The following GPHB5 variants were observed in gnomAD, a reference collection of about 807,000 sequenced individuals.
The protein encoded by GPHB5 is glycoprotein hormone subunit beta 5.
Under a neutral mutation model 10.1 loss-of-function variants are expected in GPHB5, and 7 were observed. The observed-to-expected ratio is 0.69, with a 90% CI of 0.39 to 1.30. The LOEUF (loss-of-function observed/expected upper bound fraction) is 1.30, where lower values mean the gene tolerates loss of function less well. GPHB5 is among the 50% of genes most tolerant of loss of function. The probability of loss-of-function intolerance (pLI) is 0.01; values close to 1 mark genes in which losing one functional copy is unlikely to be tolerated. For synonymous variants in GPHB5, 68 were observed against 70.1 expected, an observed-to-expected ratio of 0.97 and a Z score of 0.15; for missense variants, 161 against 169.8, an observed-to-expected ratio of 0.95 and a Z score of 0.29.
At chr14:63,316,006 C>T (rs1239303135) in intron 2 of GPHB5, among the ~76,000 whole-genome samples, 1 of 152,148 alleles carries the variant, frequency 6.6e-6, no homozygotes, top group Non-Finnish European at 1.5e-5. Context: ...TTCAAATAGC[C>T]CAGACACTAG....
chr14:63,317,450 G>C (rs980151633), intron 2 of GPHB5, among the ~76,000 whole-genome samples, 196 bp downstream of exon 2: 1 of 152,164 alleles, frequency 6.6e-6, no homozygotes. Flanking sequence ...TCAATGCTTT[G>C]TTAGAGGGGC....
chr14:63,313,924 G>A (rs954932865), intron 2 of GPHB5, among the ~76,000 whole-genome samples: 3 of 152,008 alleles, frequency 2.0e-5, no homozygotes, highest in Non-Finnish European at 2.9e-5. Context: ...CCTTTCATTC[G>A]TGTGATATTC....
rs764536392 is a variant in GPHB5 at position 63,313,110 on chromosome 14, T to C, written c.211A>G (p.Ile71Val). The change falls in exon 3 of 3, where the codon ATT becomes GTT. Residue 71 changes from isoleucine to valine, a missense_variant. Coordinates refer to ENST00000621500, the MANE Select transcript of GPHB5 (RefSeq NM_145171.4). ...GCTTCAATATAGGGGGGTTCCAGAA[T>C]GGGTTTCTGTCCCCATAGATAGAAA... is the stretch of plus-strand genomic sequence containing the variant. Reference protein sequence around the residue: ...WGRCETWEKPILEPPYIEAHH... With the variant: ...WGRCETWEKPVLEPPYIEAHH... 2.5e-6 allele frequency: 4 copies of C among 1,588,588 alleles called. No individual in the cohort carries two copies. The highest frequency in any genetic ancestry group is 1.1e-5 in the South Asian group (1 of 87,316).
At position 63,312,969 on chromosome 14, in the gene GPHB5, C is replaced by A. The variant is rs745784962; in HGVS notation, c.352G>T (p.Gly118Ter). The stretch of plus-strand genomic sequence containing the variant: ...TCCGTGGTGGCAGTGGAGCAGGCTC[C>A]GCAGTCACAGCGGATGGCCACGGGA... ...TYPVAIRCDC[G>*]ACSTATTECE... The change falls in exon 3 of 3, where the codon GGA becomes TGA. Residue 118 changes from glycine to a stop codon, truncating the protein, a stop_gained. Coordinates refer to ENST00000621500, the MANE Select transcript of GPHB5 (RefSeq NM_145171.4). LOFTEE classifies it high-confidence loss of function. 5.8e-6 allele frequency: 9 copies of A among 1,556,772 alleles called. No individual in the cohort carries two copies. The East Asian group carries it at 1.9e-4, about 33-fold the overall frequency.
At chr14:63,315,938 G>T (rs948467455) in intron 2 of GPHB5, among the ~76,000 whole-genome samples, 6 of 152,196 alleles carry the variant, frequency 3.9e-5, no homozygotes, top group African/African-American at 1.4e-4. Context: ...TTAAAAAGAA[G>T]AGAAGATGGG....
At position 63,312,894 on chromosome 14, in the gene GPHB5, A is replaced by G. The variant is rs1011710651; in HGVS notation, c.*34T>C. On this transcript the variant is annotated 3_prime_UTR_variant, in exon 3 of 3. Coordinates refer to ENST00000621500, the MANE Select transcript of GPHB5 (RefSeq NM_145171.4). ...GGAAGTATAACTGCATGTGCTGCTC[A>G]CACAGGTGGGTCTGCAGAGAGCAGC... 5 of 1,533,628 alleles carry G rather than the reference A, an allele frequency of 3.3e-6. No homozygotes were observed. In the African/African-American group the frequency reaches 6.9e-5, roughly 21 times the overall value.
At chr14:63,313,762 G>A (rs1466549420) in intron 2 of GPHB5, among the ~76,000 whole-genome samples, 1 of 152,074 alleles carries the variant, frequency 6.6e-6, no homozygotes, top group African/African-American at 2.4e-5. Context: ...CCAACCTTGG[G>A]TTTTTGTTAG....
chr14:63,317,543 T>C, intron 2 of GPHB5, 103 bp downstream of exon 2: 1 of 1,078,724 alleles, frequency 9.3e-7, no homozygotes, highest in Non-Finnish European at 1.3e-6. Flanking sequence ...AAAGGGCAGA[T>C]GTCCCAGCTC....
chr14:63,313,733 C>T (rs114228525), intron 2 of GPHB5, among the ~76,000 whole-genome samples: 2 of 152,258 alleles, frequency 1.3e-5, no homozygotes, highest in African/African-American at 2.4e-5. Flanking sequence ...ATTCTTCTCC[C>T]GTATGATTCA....
chr14:63,313,344 A>G (rs970937124), intron 2 of GPHB5, among the ~76,000 whole-genome samples: 1 of 152,206 alleles, frequency 6.6e-6, no homozygotes, highest in African/African-American at 2.4e-5. Context: ...TGCTCCATGC[A>G]TAGTCAGCAA....
intron 2 of GPHB5, among the ~76,000 whole-genome samples, chr14:63,317,017 A>T (rs1458188054): frequency 1.3e-5 from 2 of 152,206 alleles, no homozygotes; most frequent in Non-Finnish European, 2.9e-5. Flanking sequence ...TGAGAGTGTT[A>T]TCTCCACTTT....
At chr14:63,317,996 A>C in intron 1 of GPHB5, 146 bp from the exon 2 acceptor site, 1 of 679,326 alleles carries the variant, frequency 1.5e-6, no homozygotes, top group Non-Finnish European at 2.5e-6. Context: ...ATGCCCACAA[A>C]CTCCAACACA....
At chr14:63,314,619 A>G (rs990866220) in intron 2 of GPHB5, among the ~76,000 whole-genome samples, 12 of 152,058 alleles carry the variant, frequency 7.9e-5, no homozygotes, top group African/African-American at 2.9e-4. Flanking sequence ...TCACCATGTT[A>G]GCCAGGATGG....
chr14:63,317,079 A>G (rs1882783085), intron 2 of GPHB5, among the ~76,000 whole-genome samples: 1 of 152,212 alleles, frequency 6.6e-6, no homozygotes, highest in African/African-American at 2.4e-5. Flanking sequence ...AAGGAACTTA[A>G]TGGATCCGTC....
chr14:63,313,218 T>C (rs2139682548), intron 2 of GPHB5, 102 bp from the exon 3 acceptor site: 1 of 1,084,826 alleles, frequency 9.2e-7, no homozygotes, highest in South Asian at 1.7e-5. Context: ...TGTTATTCGT[T>C]GATTTACTTG....
At position 63,313,059 on chromosome 14, in the gene GPHB5, C is replaced by T. The variant is rs140208070; in HGVS notation, c.262G>A (p.Glu88Lys). The T allele has an allele frequency of 8.9e-3, 14,322 of 1,606,936 alleles. 87 individuals are homozygous for T. The highest frequency in any genetic ancestry group is 0.011 in the Non-Finnish European group (12,433 of 1,176,738). The change falls in exon 3 of 3, where the codon GAG becomes AAG. Residue 88 changes from glutamate to lysine, a missense_variant. Glu to Lys is a moderately conservative substitution (Grantham distance 56). Transcript: ENST00000621500. The part of the protein sequence containing the change: ...EAHHRVCTYN[E>K]TKQVTVKLPN... ...AGCTTGACAGTCACCTGTTTGGTCT[C>T]GTTGTAGGTACAGACTCGATGATGG... is the stretch of plus-strand genomic sequence containing the variant.
intron 1 of GPHB5, among the ~76,000 whole-genome samples, chr14:63,318,592 G>A (rs1001764628): frequency 6.6e-6 from 1 of 152,202 alleles, no homozygotes; most frequent in Non-Finnish European, 1.5e-5. Flanking sequence ...CACCCTCTCT[G>A]GGTCTTGGTC....
chr14:63,312,902 G>C lies in GPHB5; in HGVS notation c.*26C>G. On this transcript the variant is annotated 3_prime_UTR_variant, in exon 3 of 3. Transcript: ENST00000621500. ...AACTGCATGTGCTGCTCACACAGGT[G>C]GGTCTGCAGAGAGCAGCTAGCGGCC... The C allele has an allele frequency of 6.5e-7, 1 of 1,540,402 alleles. No individual in the cohort carries two copies. Among genetic ancestry groups the C allele is most frequent in the Non-Finnish European group, 8.8e-7 (1 of 1,139,066 alleles).
chr14:63,313,051 T>G lies in GPHB5; in HGVS notation c.270A>C (p.Lys90Asn). Residue 90 changes from lysine (K) to asparagine (N), a missense_variant, in exon 3 of 3, where the codon AAA (lysine) becomes AAC (asparagine). Lys to Asn is a moderately conservative substitution (Grantham distance 94, BLOSUM62 0). Transcript: ENST00000621500. ...HHRVCTYNET[K>N]QVTVKLPNCA... is the part of the protein sequence containing the mutation. ...AGTTGGGCAGCTTGACAGTCACCTGTTTGGTCTCGTTGTAGGTACAGACTC... is the reference window on the plus strand; with the variant it reads ...AGTTGGGCAGCTTGACAGTCACCTGGTTGGTCTCGTTGTAGGTACAGACTC... 3.1e-6 allele frequency: 5 copies of G among 1,606,444 alleles called. No individual in the cohort carries two copies. The highest frequency in any genetic ancestry group is 4.2e-6 in the Non-Finnish European group (5 of 1,176,512).
Sources: gnomAD v4.1 joint callset for allele counts (sites outside exome capture counted in the v4.1 genomes callset) on GRCh38, gnomAD v4.1.1 for gene constraint, MANE v1.5 for transcripts, NCBI Gene and HGNC (gene_info 2026-07-23, HGNC 2026-07-21) for gene names.